Variants in SMURF1 observed in about 807,000 individuals in gnomAD.
SMURF1 encodes the protein E3 ubiquitin-protein ligase SMURF1.
In SMURF1, 44 loss-of-function variants were observed where a neutral mutation model predicts 98.0. The observed-to-expected ratio is 0.45, with a 90% CI of 0.35 to 0.58. SMURF1 has a LOEUF of 0.58. Among genes scored for constraint, SMURF1 ranks in the 20% least tolerant of loss-of-function variants. The probability of loss-of-function intolerance (pLI) is 0.00; values close to 1 mark genes in which losing one functional copy is unlikely to be tolerated. For missense variants in SMURF1, 687 were observed against 938.4 expected, an observed-to-expected ratio of 0.73 and a Z score of 3.50; for synonymous variants, 396 against 374.9, an observed-to-expected ratio of 1.06 and a Z score of -0.65.
chr7:99,088,857 G>C (rs1341729413), intron 1 of SMURF1, among the ~76,000 whole-genome samples: 1 of 152,102 alleles, frequency 6.6e-6, no homozygotes, highest in Non-Finnish European at 1.5e-5. Flanking sequence ...CTGAGGTCAG[G>C]AGTTTGAGAT....
chr7:99,086,428 A>G (rs1237233894), intron 1 of SMURF1, among the ~76,000 whole-genome samples: 1 of 152,062 alleles, frequency 6.6e-6, no homozygotes, highest in Non-Finnish European at 1.5e-5. Flanking sequence ...GGGCAAGGAT[A>G]TGGAGAAACT....
At chr7:99,087,958 A>T (rs900020264) in intron 1 of SMURF1, among the ~76,000 whole-genome samples, 28 of 146,718 alleles carry the variant, frequency 1.9e-4, no homozygotes, top group Non-Finnish European at 3.9e-4. Context: ...AAATTTCTTT[A>T]AAAAAAAAAA....
intron 16 of SMURF1, 97 bp from the exon 17 acceptor site, chr7:99,033,218 C>T: frequency 1.7e-6 from 2 of 1,179,542 alleles, no homozygotes; most frequent in East Asian, 2.6e-5. Context: ...ACCACATTCC[C>T]ACCCCCACAC....
intron 1 of SMURF1, among the ~76,000 whole-genome samples, chr7:99,064,614 G>A (rs1796142291): frequency 6.6e-6 from 1 of 152,106 alleles, no homozygotes; most frequent in South Asian, 2.1e-4. Flanking sequence ...GATGTTTGTT[G>A]ATTTCACCCA....
chr7:99,106,795 T>TC (rs1269530070), intron 1 of SMURF1, among the ~76,000 whole-genome samples: 3 of 152,292 alleles, frequency 2.0e-5, no homozygotes, highest in South Asian at 4.1e-4. Context: ...CCTCTTTTTT[T>TC]CCCCCTTCAG....
At chr7:99,122,377 C>T (rs1295268318) in intron 1 of SMURF1, among the ~76,000 whole-genome samples, 1 of 150,926 alleles carries the variant, frequency 6.6e-6, no homozygotes, top group Non-Finnish European at 1.5e-5. Context: ...GGCGCAGTGG[C>T]TCACACCTGT....
intron 3 of SMURF1, among the ~76,000 whole-genome samples, chr7:99,058,486 C>G (rs1795940645): frequency 6.6e-6 from 1 of 152,130 alleles, no homozygotes; most frequent in African/African-American, 2.4e-5. Flanking sequence ...AAATTCTCAC[C>G]AATTAGGTTT....
chr7:99,070,748 G>A (rs1796298382), intron 1 of SMURF1, among the ~76,000 whole-genome samples: 1 of 152,052 alleles, frequency 6.6e-6, no homozygotes, highest in African/African-American at 2.4e-5. Flanking sequence ...CGGAAGCACA[G>A]GGCCTGGCAG....
At chr7:99,046,602 G>T (rs1272879692) in intron 10 of SMURF1, among the ~76,000 whole-genome samples, 1 of 151,512 alleles carries the variant, frequency 6.6e-6, no homozygotes, top group Non-Finnish European at 1.5e-5. Context: ...CCTGGTGGCG[G>T]GCGCCTGTAA....
intron 14 of SMURF1, 73 bp from the exon 15 acceptor site, chr7:99,037,260 C>T (rs1795181193): frequency 6.3e-7 from 1 of 1,589,668 alleles, no homozygotes; most frequent in Non-Finnish European, 8.6e-7. Flanking sequence ...TTTTTGGAGA[C>T]AGGGTCTCAC....
chr7:99,134,496 G>A (rs1227562099), intron 1 of SMURF1, among the ~76,000 whole-genome samples: 1 of 151,982 alleles, frequency 6.6e-6, no homozygotes, highest in Non-Finnish European at 1.5e-5. Flanking sequence ...GTAAACTTTG[G>A]ATTTTTTTTA....
In SMURF1 at chr7:99,040,545, A is replaced by T; in HGVS notation, c.1383T>A (p.Ser461=). The T allele has an allele frequency of 6.7e-7, 1 of 1,485,274 alleles. No individual in the cohort carries two copies. Among genetic ancestry groups the T allele is most frequent in the Non-Finnish European group, 9.0e-7 (1 of 1,116,092 alleles). The allele number at this position is 1,485,274 out of a possible 1,614,324, so 92.0% of individuals were successfully genotyped here. Residue 461 remains serine, a synonymous_variant, in exon 13 of 18, where the codon TCT becomes TCA. Transcript: ENST00000361368. ...TGATCCGCCCCACAAAGTGGAAATA[A>T]GACAAGTGGTCCTGTAGGGGGCACC... ...PDSSINPDHL[S]YFHFVGRIMG... is the part of the protein sequence containing the mutation.
chr7:99,063,234 GATTTATTTAT>G (rs1563012480), intron 1 of SMURF1, among the ~76,000 whole-genome samples: 8 of 20,464 alleles, frequency 3.9e-4, no homozygotes, highest in African/African-American at 1.0e-3. Flanking sequence ...ATATATATAA[GATTTATTTAT>G]ATATATATAT....
chr7:99,122,131 C>T (rs1797643507), intron 1 of SMURF1, among the ~76,000 whole-genome samples: 1 of 151,652 alleles, frequency 6.6e-6, no homozygotes, highest in Admixed American at 6.6e-5. Flanking sequence ...GAGTTCGAGG[C>T]CAGCCTGGGC....
chr7:99,134,286 T>G (rs1797937177), intron 1 of SMURF1, among the ~76,000 whole-genome samples: 1 of 151,918 alleles, frequency 6.6e-6, no homozygotes, highest in African/African-American at 2.4e-5. Flanking sequence ...TATACCAGAG[T>G]TTTACAAGGG....
chr7:99,140,734 C>G (rs1798102275), intron 1 of SMURF1, among the ~76,000 whole-genome samples: 1 of 152,178 alleles, frequency 6.6e-6, no homozygotes, highest in Non-Finnish European at 1.5e-5. Context: ...TATCTTTGCA[C>G]TGAATTTCGC....
intron 1 of SMURF1, among the ~76,000 whole-genome samples, chr7:99,079,085 G>A (rs1351701218): frequency 6.6e-6 from 1 of 152,230 alleles, no homozygotes. Flanking sequence ...GCCACTACAG[G>A]AGGTGGGACC....
intron 3 of SMURF1, among the ~76,000 whole-genome samples, chr7:99,059,857 G>A (rs1183436058): frequency 1.3e-5 from 2 of 150,590 alleles, no homozygotes; most frequent in East Asian, 3.9e-4. Flanking sequence ...ACAGTGAGCC[G>A]AGATCGCGCC....
At chr7:99,062,854 AAAG>A (rs2150544604) in intron 1 of SMURF1, among the ~76,000 whole-genome samples, 1 of 152,214 alleles carries the variant, frequency 6.6e-6, no homozygotes, top group African/African-American at 2.4e-5. Context: ...TCTCCAAAAA[AAAG>A]AACTAAGCAC....
Sources: gnomAD v4.1 joint callset for allele counts (sites outside exome capture counted in the v4.1 genomes callset) on GRCh38, gnomAD v4.1.1 for gene constraint, MANE v1.5 for transcripts, NCBI Gene and HGNC (gene_info 2026-07-23, HGNC 2026-07-21) for gene names.